Variants in EBF1 observed in about 807,000 individuals in gnomAD.
EBF1 encodes EBF transcription factor 1, also known as transcription factor COE1.
EBF1 carries 10 observed loss-of-function variants against 68.4 expected under a neutral mutation model. The ratio of observed to expected loss-of-function variants is 0.15; its 90% CI spans 0.09 to 0.25. The LOEUF is 0.25. Ranked by LOEUF, EBF1 falls within the 10% of genes least tolerant of loss-of-function variation. The pLI is 1.00. For synonymous variants in EBF1, 298 were observed against 299.8 expected, an observed-to-expected ratio of 0.99 and a Z score of 0.06; for missense variants, 509 against 794.4, an observed-to-expected ratio of 0.64 and a Z score of 4.32.
intron 9 of EBF1, among the ~76,000 whole-genome samples, chr5:158,784,143 C>T (rs183635728): frequency 6.6e-6 from 1 of 152,260 alleles, no homozygotes; most frequent in African/African-American, 2.4e-5. Flanking sequence ...CTATGTTAAA[C>T]TCTTTCAGTG....
At chr5:159,050,191 TCTCTCTCTCTCCTCTCCTCC>T (rs1305581415) in intron 6 of EBF1, among the ~76,000 whole-genome samples, 277 of 146,126 alleles carry the variant, frequency 1.9e-3, no homozygotes, top group Admixed American at 4.3e-3. Context: ...TTCTCTCTTT[TCTCTCTCTCTCCTCTCCTCC>T]CTCTCTCTCT....
chr5:158,912,136 A>G (rs2127366830), intron 6 of EBF1, among the ~76,000 whole-genome samples: 1 of 152,352 alleles, frequency 6.6e-6, no homozygotes, highest in Non-Finnish European at 1.5e-5. Context: ...TCATCTAAGT[A>G]GTGTGGGCTG....
chr5:158,819,290 G>A (rs1784361149), intron 8 of EBF1, among the ~76,000 whole-genome samples: 1 of 152,198 alleles, frequency 6.6e-6, no homozygotes, highest in Non-Finnish European at 1.5e-5. Context: ...GGTACATAAA[G>A]TAATTTAGTC....
chr5:159,003,072 T>C (rs895007195), intron 6 of EBF1, among the ~76,000 whole-genome samples: 8 of 152,342 alleles, frequency 5.3e-5, no homozygotes, highest in African/African-American at 1.9e-4. Flanking sequence ...AAGATCTTGG[T>C]TCCATTTGCC....
In EBF1 at chr5:158,981,862, TA is replaced by T. The variant is rs113370527; in HGVS notation, c.554+91533del. On this transcript the variant is annotated intron_variant, in intron 6 of 15. Transcript: ENST00000313708. The stretch of plus-strand genomic sequence containing the variant: ...AGTGCTGATAGAATCTTACTAAAAA[TA>T]AAAAAAAAATTAAAAGTCCAGCGGA... Among the ~76,000 whole-genome samples, 774 of 149,802 alleles carry T rather than the reference TA, an allele frequency of 5.2e-3. 7 individuals carry two copies. The highest frequency in any genetic ancestry group is 0.017 in the African/African-American group (684 of 40,912).
chr5:158,777,518 G>C lies in EBF1; in HGVS notation c.931C>G (p.Arg311Gly). 6.2e-7 allele frequency: 1 copy of C among 1,611,548 alleles called. No individual in the cohort carries two copies. Among genetic ancestry groups the C allele is most frequent in the Non-Finnish European group, 8.5e-7 (1 of 1,178,592 alleles). ...WSELITPHAI[R>G]VQTPPRHIPG... Reference sequence around the variant, plus strand: ...ATGTGCCGAGGAGGGGTCTGCACACGGATGGCATGAGGAGTGATCAACTGG... The same window carrying C: ...ATGTGCCGAGGAGGGGTCTGCACACCGATGGCATGAGGAGTGATCAACTGG... Residue 311 changes from arginine (R) to glycine (G), a missense_variant, in exon 10 of 16, where the codon CGT becomes GGT. By Grantham distance (125) the Arg-to-Gly change is moderately radical (BLOSUM62 -2). Transcript: ENST00000313708.
At chr5:159,035,100 T>C (rs1376952057) in intron 6 of EBF1, among the ~76,000 whole-genome samples, 2 of 151,372 alleles carry the variant, frequency 1.3e-5, no homozygotes, top group African/African-American at 4.9e-5. Flanking sequence ...ATTGAAGCCA[T>C]CAGAAACAGG....
intron 6 of EBF1, among the ~76,000 whole-genome samples, chr5:158,950,033 GT>G (rs948626870): frequency 6.6e-6 from 1 of 152,190 alleles, no homozygotes; most frequent in Non-Finnish European, 1.5e-5. Flanking sequence ...AGTGGTGCCT[GT>G]TCACAGATGT....
intron 6 of EBF1, among the ~76,000 whole-genome samples, chr5:158,973,464 A>AACAC (rs139768228): frequency 6.0e-5 from 9 of 149,268 alleles, no homozygotes; most frequent in African/African-American, 1.2e-4. Context: ...AGCTCAAACC[A>AACAC]ACACACACAC....
chr5:158,725,234 C>T (rs1295112276), intron 11 of EBF1, among the ~76,000 whole-genome samples: 2 of 152,190 alleles, frequency 1.3e-5, no homozygotes, highest in African/African-American at 4.8e-5. Flanking sequence ...GCCAGAGATA[C>T]TATGGTGCTT....
At chr5:158,744,372 T>C (rs1767095717) in intron 10 of EBF1, among the ~76,000 whole-genome samples, 1 of 151,908 alleles carries the variant, frequency 6.6e-6, no homozygotes, top group African/African-American at 2.4e-5. Flanking sequence ...GAGAGAATAG[T>C]ATCACCGAAA....
At chr5:158,955,684 T>G (rs538026171) in intron 6 of EBF1, among the ~76,000 whole-genome samples, 2 of 152,348 alleles carry the variant, frequency 1.3e-5, no homozygotes, top group African/African-American at 2.4e-5. Flanking sequence ...GTAGTTCCCT[T>G]ACAGGGACGC....
chr5:158,836,767 G>A (rs1215753015), intron 7 of EBF1, among the ~76,000 whole-genome samples: 4 of 152,182 alleles, frequency 2.6e-5, no homozygotes, highest in Non-Finnish European at 5.9e-5. Flanking sequence ...GCAGCAAAGA[G>A]TGGGTGATGG....
chr5:158,975,455 T>C (rs1756547274), intron 6 of EBF1, among the ~76,000 whole-genome samples: 3 of 152,320 alleles, frequency 2.0e-5, no homozygotes, highest in Middle Eastern at 3.4e-3. Flanking sequence ...GGTGTCTTCA[T>C]ATATTTTCCA....
intron 6 of EBF1, among the ~76,000 whole-genome samples, chr5:159,052,669 G>C (rs1774004348): frequency 1.3e-5 from 2 of 152,198 alleles, no homozygotes; most frequent in African/African-American, 4.8e-5. Flanking sequence ...TTTACCATGA[G>C]AATTTGGAGC....
At chr5:158,725,747 G>A (rs1762860211) in intron 11 of EBF1, among the ~76,000 whole-genome samples, 1 of 152,222 alleles carries the variant, frequency 6.6e-6, no homozygotes, top group Non-Finnish European at 1.5e-5. Flanking sequence ...AGTTGGGAGA[G>A]AAAACCCGGG....
intron 4 of EBF1, among the ~76,000 whole-genome samples, chr5:159,091,831 G>A (rs1354476562): frequency 6.6e-6 from 1 of 152,106 alleles, no homozygotes; most frequent in Non-Finnish European, 1.5e-5. Flanking sequence ...CCTTTTCACG[G>A]TCTCCTCACT....
At chr5:158,992,218 G>T in intron 6 of EBF1, among the ~76,000 whole-genome samples, 1 of 132,158 alleles carries the variant, frequency 7.6e-6, no homozygotes. Context: ...ATAAATCCTT[G>T]TAAGGGAAAA....
intron 8 of EBF1, among the ~76,000 whole-genome samples, chr5:158,818,789 T>C (rs1784234896): frequency 6.6e-6 from 1 of 152,216 alleles, no homozygotes; most frequent in Admixed American, 6.5e-5. Context: ...TTAAAGAATC[T>C]ATCTTCAATC....
Sources: gnomAD v4.1 joint callset for allele counts (sites outside exome capture counted in the v4.1 genomes callset) on GRCh38, gnomAD v4.1.1 for gene constraint, MANE v1.5 for transcripts, NCBI Gene and HGNC (gene_info 2026-07-23, HGNC 2026-07-21) for gene names.